Variants in CACNA2D3 observed in about 807,000 individuals in gnomAD.
CACNA2D3 encodes voltage-dependent calcium channel subunit alpha-2/delta-3.
Under a neutral mutation model 160.6 loss-of-function variants are expected in CACNA2D3, and 60 were observed. The ratio of observed to expected loss-of-function variants is 0.37; its 90% CI spans 0.30 to 0.46. CACNA2D3 has a LOEUF of 0.46. CACNA2D3 is among the 20% of genes least tolerant of loss of function. CACNA2D3 has a pLI of 1.00. For synonymous variants in CACNA2D3, 558 were observed against 492.9 expected (o/e 1.13, Z -1.75); for missense variants, 1,205 against 1,365.0 (o/e 0.88, Z 1.85).
intron 4 of CACNA2D3, among the ~76,000 whole-genome samples, chr3:54,500,577 C>T (rs1475618379): frequency 7.3e-6 from 1 of 137,124 alleles, no homozygotes; most frequent in Non-Finnish European, 1.6e-5. Context: ...CTTTTCTTTT[C>T]ATTCCTTTCT....
chr3:54,444,993 C>A (rs898456894), intron 4 of CACNA2D3, among the ~76,000 whole-genome samples: 1 of 152,244 alleles, frequency 6.6e-6, no homozygotes, highest in African/African-American at 2.4e-5. Context: ...CAGAGTGAGC[C>A]TCTTCCTGCC....
chr3:54,807,979 C>T (rs1176506972), intron 13 of CACNA2D3, among the ~76,000 whole-genome samples: 1 of 143,886 alleles, frequency 6.9e-6, no homozygotes, highest in African/African-American at 2.6e-5. Context: ...ACCGCATATT[C>T]TCACTCATAG....
chr3:54,932,155 G>C (rs1701206138), intron 27 of CACNA2D3, among the ~76,000 whole-genome samples: 1 of 151,890 alleles, frequency 6.6e-6, no homozygotes, highest in Admixed American at 6.6e-5. Flanking sequence ...CAGCAGCCTG[G>C]GCAACAGAGT....
chr3:54,756,459 TCA>T (rs2107078121), intron 12 of CACNA2D3, among the ~76,000 whole-genome samples: 1 of 152,294 alleles, frequency 6.6e-6, no homozygotes, highest in East Asian at 1.9e-4. Flanking sequence ...GTTTATAGTC[TCA>T]GATTGTTATA....
At chr3:55,060,498 T>A (rs1704480663) in intron 35 of CACNA2D3, among the ~76,000 whole-genome samples, 1 of 152,218 alleles carries the variant, frequency 6.6e-6, no homozygotes, top group Non-Finnish European at 1.5e-5. Flanking sequence ...TTGGGAAAGT[T>A]GTTTAACTTA....
chr3:54,656,164 C>T (rs1473965140), intron 11 of CACNA2D3, among the ~76,000 whole-genome samples: 1 of 152,204 alleles, frequency 6.6e-6, no homozygotes, highest in Non-Finnish European at 1.5e-5. Context: ...GCAGCCTGTG[C>T]TGCTATGAAC....
At chr3:54,489,758 G>A (rs1701077975) in intron 4 of CACNA2D3, among the ~76,000 whole-genome samples, 2 of 152,168 alleles carry the variant, frequency 1.3e-5, no homozygotes, top group African/African-American at 4.8e-5. Context: ...TTGTTAAGTA[G>A]GCCATTAATA....
At chr3:54,244,432 A>G (rs921555311) in intron 2 of CACNA2D3, among the ~76,000 whole-genome samples, 1 of 152,216 alleles carries the variant, frequency 6.6e-6, no homozygotes, top group Admixed American at 6.5e-5. Flanking sequence ...TTAAATCAAA[A>G]TGTCAAATGC....
chr3:54,562,136 A>C lies in CACNA2D3; in HGVS notation c.545-664A>C, dbSNP rs192918700. 2.6e-3 allele frequency among the ~76,000 whole-genome samples: 395 copies of C among 152,226 alleles called. 6 individuals carry two copies. The highest frequency in any genetic ancestry group is 3.4e-4 in the Non-Finnish European group (23 of 68,010). On this transcript the variant is annotated intron_variant, in intron 5 of 37. Coordinates refer to ENST00000474759, the MANE Select transcript of CACNA2D3 (RefSeq NM_018398.3). ...TGAGATTTGGGTGGGGACATAGCCA[A>C]ATCATACCACCATCCATCCATCCTT...
intron 3 of CACNA2D3, among the ~76,000 whole-genome samples, chr3:54,376,078 G>A (rs1699007102): frequency 6.6e-6 from 1 of 152,228 alleles, no homozygotes; most frequent in South Asian, 2.1e-4. Flanking sequence ...GTCTGATCAC[G>A]TGGGTCTTAT....
chr3:54,627,734 G>T, intron 9 of CACNA2D3, 53 bp from the exon 10 acceptor site: 2 of 1,055,936 alleles, frequency 1.9e-6, no homozygotes, highest in Non-Finnish European at 2.9e-6. Flanking sequence ...TTCAAGGTTG[G>T]TGTTTCACAT....
chr3:54,140,500 C>G lies in CACNA2D3; in HGVS notation c.204+16906C>G, dbSNP rs537516146. On this transcript the variant is annotated intron_variant, in intron 2 of 37. Transcript: ENST00000474759. ...GCCAGGCATGCCACTCCCAAATTTC[C>G]TCTATCTGGGCCTTTGACATTGCAT... Among the ~76,000 whole-genome samples the G allele has an allele frequency of 7.2e-5, 11 of 152,310 alleles. No individual in the cohort carries two copies. In the East Asian group the frequency reaches 2.1e-3, roughly 29 times the overall value.
intron 11 of CACNA2D3, among the ~76,000 whole-genome samples, chr3:54,727,671 A>C (rs1319304468): frequency 6.6e-6 from 1 of 152,172 alleles, no homozygotes. Context: ...AAAGCCAAAC[A>C]CTGCATGTTC....
chr3:55,008,869 T>C (rs1017655229), intron 33 of CACNA2D3, among the ~76,000 whole-genome samples: 2 of 115,768 alleles, frequency 1.7e-5, no homozygotes, highest in Admixed American at 1.9e-4. Context: ...TAGAGAGAAG[T>C]CTGTTCCACC....
At chr3:54,739,884 T>A (rs1701614508) in intron 11 of CACNA2D3, among the ~76,000 whole-genome samples, 1 of 152,060 alleles carries the variant, frequency 6.6e-6, no homozygotes, top group South Asian at 2.1e-4. Context: ...TTCTTCATAT[T>A]CCTTTGCCTT....
chr3:54,485,035 C>T (rs924515278), intron 4 of CACNA2D3, among the ~76,000 whole-genome samples: 5 of 151,940 alleles, frequency 3.3e-5, no homozygotes, highest in Admixed American at 2.0e-4. Context: ...TTAGTAGAGA[C>T]GGGGTTTCAT....
At chr3:54,992,352 G>GTGTC (rs1702760878) in intron 31 of CACNA2D3, among the ~76,000 whole-genome samples, 1 of 152,120 alleles carries the variant, frequency 6.6e-6, no homozygotes, top group Non-Finnish European at 1.5e-5. Context: ...AGTAACTGAG[G>GTGTC]TGTCCCCAGC....
intron 5 of CACNA2D3, among the ~76,000 whole-genome samples, chr3:54,559,853 T>A (rs1201817857): frequency 6.6e-6 from 1 of 152,222 alleles, no homozygotes; most frequent in African/African-American, 2.4e-5. Context: ...TATTTGGTTT[T>A]CTGTTCCTGT....
chr3:54,684,252 G>A (rs890674317), intron 11 of CACNA2D3, among the ~76,000 whole-genome samples: 4 of 152,006 alleles, frequency 2.6e-5, no homozygotes, highest in South Asian at 2.1e-4. Flanking sequence ...AAGCCACCAC[G>A]CCTGGCCAAA....
Sources: gnomAD v4.1 joint callset for allele counts (sites outside exome capture counted in the v4.1 genomes callset) on GRCh38, gnomAD v4.1.1 for gene constraint, MANE v1.5 for transcripts, NCBI Gene and HGNC (gene_info 2026-07-23, HGNC 2026-07-21) for gene names.